CCDC170: variants seen among roughly 807,000 people sequenced by gnomAD.
CCDC170 encodes the protein coiled-coil domain-containing protein 170.
A neutral mutation model predicts 72.6 loss-of-function variants in CCDC170; 69 were observed. That is an observed-to-expected ratio of 0.95 (90% CI 0.78 to 1.16). The LOEUF (loss-of-function observed/expected upper bound fraction) is 1.16, where lower values mean the gene tolerates loss of function less well. CCDC170 is among the 50% of genes most tolerant of loss of function. The probability of loss-of-function intolerance (pLI) is 0.00; values close to 1 mark genes in which losing one functional copy is unlikely to be tolerated. For missense variants in CCDC170, 852 were observed against 832.5 expected (o/e 1.02, Z -0.29); for synonymous variants, 300 against 303.9 (o/e 0.99, Z 0.13).
At chr6:151,582,304 C>CTTGTACTT (rs1776389494) in intron 6 of CCDC170, among the ~76,000 whole-genome samples, 1 of 152,180 alleles carries the variant, frequency 6.6e-6, no homozygotes, top group African/African-American at 2.4e-5. Context: ...ACTGCTTTAT[C>CTTGTACTT]TTGTACTTTT....
intron 5 of CCDC170, among the ~76,000 whole-genome samples, chr6:151,562,810 G>T (rs1269963089): frequency 6.6e-6 from 1 of 152,116 alleles, no homozygotes; most frequent in Non-Finnish European, 1.5e-5. Context: ...ATGCGTTTTG[G>T]GGGAGGAGTG....
chr6:151,594,897 C>T (rs577847165), intron 8 of CCDC170, among the ~76,000 whole-genome samples: 19 of 152,218 alleles, frequency 1.2e-4, no homozygotes, highest in Admixed American at 3.3e-4. Flanking sequence ...GTGATCCACC[C>T]GCCTTGGCCT....
At chr6:151,572,743 AG>A (rs1776241826) in intron 5 of CCDC170, among the ~76,000 whole-genome samples, 1 of 138,458 alleles carries the variant, frequency 7.2e-6, no homozygotes. Context: ...TCCACCTCCC[AG>A]GTTCAAGCAA....
Position 151,618,035 on chromosome 6 carries a change from T to A in CCDC170, c.2036T>A (p.Leu679His). The A allele has an allele frequency of 6.2e-7, 1 of 1,614,172 alleles. No individual in the cohort carries two copies. Among genetic ancestry groups the A allele is most frequent in the Non-Finnish European group, 8.5e-7 (1 of 1,180,016 alleles). ...CCTGATTATGAAATCATCAAGTGTCTTGAAAGATTGGTCCATTCACATCAG... is the reference window on the plus strand; with the variant it reads ...CCTGATTATGAAATCATCAAGTGTCATGAAAGATTGGTCCATTCACATCAG... Reference protein sequence around the residue: ...ALPDYEIIKCLERLVHSHQHH... With the variant: ...ALPDYEIIKCHERLVHSHQHH... The change falls in exon 11 of 11, where the codon CTT (leucine) becomes CAT (histidine). Residue 679 changes from leucine (L) to histidine (H), a missense_variant. Physicochemically the swap from Leu to His is moderately conservative, Grantham distance 99. Coordinates refer to ENST00000239374, the MANE Select transcript of CCDC170 (RefSeq NM_025059.4).
chr6:151,582,929 A>C (rs1210337509), intron 6 of CCDC170, among the ~76,000 whole-genome samples: 1 of 150,752 alleles, frequency 6.6e-6, no homozygotes. Context: ...AAATTTTAAC[A>C]TGCGATTTAG....
At chr6:151,616,960 A>C (rs1483418351) in intron 10 of CCDC170, among the ~76,000 whole-genome samples, 1 of 152,192 alleles carries the variant, frequency 6.6e-6, no homozygotes, top group Non-Finnish European at 1.5e-5. Flanking sequence ...TTTCAACATA[A>C]GAATTTTGAG....
chr6:151,582,358 C>T (rs1430972755), intron 6 of CCDC170, among the ~76,000 whole-genome samples: 1 of 152,216 alleles, frequency 6.6e-6, no homozygotes, highest in East Asian at 1.9e-4. Context: ...ATGAATCAAT[C>T]TCTACTAGTT....
At chr6:151,595,019 G>A (rs562610550) in intron 8 of CCDC170, among the ~76,000 whole-genome samples, 2 of 152,284 alleles carry the variant, frequency 1.3e-5, no homozygotes, top group South Asian at 4.1e-4. Flanking sequence ...AAAAGGTCTT[G>A]TTCAAAAATG....
At chr6:151,534,154 C>T (rs556836760) in intron 1 of CCDC170, among the ~76,000 whole-genome samples, 2 of 151,214 alleles carry the variant, frequency 1.3e-5, no homozygotes, top group Admixed American at 1.3e-4. Context: ...AGCTTGACCT[C>T]CTGGGACTCA....
At chr6:151,501,577 A>G (rs928145537) in intron 1 of CCDC170, among the ~76,000 whole-genome samples, 1 of 152,206 alleles carries the variant, frequency 6.6e-6, no homozygotes, top group Admixed American at 6.5e-5. Flanking sequence ...TAGCTTTAAC[A>G]TTTAGTTTCT....
chr6:151,551,877 C>T (rs1782884028), intron 5 of CCDC170, among the ~76,000 whole-genome samples: 1 of 152,108 alleles, frequency 6.6e-6, no homozygotes, highest in South Asian at 2.1e-4. Context: ...TTGTTTTAAG[C>T]CACCAAGTTT....
chr6:151,592,790 G>A (rs372149851), intron 7 of CCDC170, among the ~76,000 whole-genome samples: 28 of 152,320 alleles, frequency 1.8e-4, no homozygotes, highest in Admixed American at 7.2e-4. Context: ...ACAAGTTGTC[G>A]AAGCAGAGAG....
At position 151,536,322 on chromosome 6, in the gene CCDC170, C is replaced by T. The variant is rs2115045838; in HGVS notation, c.62C>T (p.Thr21Ile). ...ATTTTGGGGGAATTCTACCAGGAAACTTACGATCATCTTTCGGAAGTCCCG... is the reference window on the plus strand; with the variant it reads ...ATTTTGGGGGAATTCTACCAGGAAATTTACGATCATCTTTCGGAAGTCCCG... ...LGAASPAPEE[T>I]YDHLSEVPVT... is the part of the protein sequence containing the mutation. The change falls in exon 2 of 11, where the codon ACT becomes ATT. Residue 21 changes from threonine (T) to isoleucine (I), a missense_variant. Thr to Ile is a moderately conservative substitution (Grantham distance 89). Coordinates refer to ENST00000239374, the MANE Select transcript of CCDC170 (RefSeq NM_025059.4). 1 of 1,613,444 alleles carries T rather than the reference C, an allele frequency of 6.2e-7. No individual in the cohort carries two copies.
intron 1 of CCDC170, among the ~76,000 whole-genome samples, chr6:151,513,465 C>T (rs141249672): frequency 0.011 from 1,612 of 151,606 alleles, 28 homozygotes; most frequent in African/African-American, 0.037. Context: ...CAAAAATTAG[C>T]TGGGCATGGT....
chr6:151,596,697 T>A (rs1776631515), intron 9 of CCDC170, 120 bp downstream of exon 9: 24 of 1,406,680 alleles, frequency 1.7e-5, no homozygotes, highest in Non-Finnish European at 2.0e-5. Context: ...CTCCTCTGAT[T>A]TTCTAGAATT....
chr6:151,530,311 T>A (rs1466027751), intron 1 of CCDC170, among the ~76,000 whole-genome samples: 1 of 151,858 alleles, frequency 6.6e-6, no homozygotes, highest in Non-Finnish European at 1.5e-5. Context: ...ACTTTAAAAA[T>A]TTTTTAATGA....
At chr6:151,527,344 G>A (rs569559170) in intron 1 of CCDC170, among the ~76,000 whole-genome samples, 71 of 152,186 alleles carry the variant, frequency 4.7e-4, no homozygotes, top group Non-Finnish European at 7.2e-4. Flanking sequence ...AAATGCTAAG[G>A]TATAGATGCT....
At chr6:151,512,454 C>T (rs2115026659) in intron 1 of CCDC170, among the ~76,000 whole-genome samples, 1 of 152,314 alleles carries the variant, frequency 6.6e-6, no homozygotes, top group South Asian at 2.1e-4. Context: ...GCCACTGCAC[C>T]CGGACCCAGT....
chr6:151,563,242 C>G (rs183935551), intron 5 of CCDC170, among the ~76,000 whole-genome samples: 20 of 152,282 alleles, frequency 1.3e-4, no homozygotes, highest in African/African-American at 4.8e-4. Flanking sequence ...ATGCTATGTC[C>G]AAGTATGTGT....
Sources: gnomAD v4.1 joint callset for allele counts (sites outside exome capture counted in the v4.1 genomes callset) on GRCh38, gnomAD v4.1.1 for gene constraint, MANE v1.5 for transcripts, NCBI Gene and HGNC (gene_info 2026-07-23, HGNC 2026-07-21) for gene names.